RNASEH1: variants seen among roughly 807,000 people sequenced by gnomAD.
RNASEH1 encodes ribonuclease H type II.
In RNASEH1, 27 loss-of-function variants were observed where a neutral mutation model predicts 34.6. The observed-to-expected ratio is 0.78, with a 90% confidence interval of 0.58 to 1.08. RNASEH1 has a LOEUF of 1.08. RNASEH1 is among the 50% of genes least tolerant of loss of function. The probability of loss-of-function intolerance (pLI) is 0.00; values close to 1 mark genes in which losing one functional copy is unlikely to be tolerated. For missense variants in RNASEH1, 349 were observed against 373.6 expected (o/e 0.93, Z 0.54); for synonymous variants, 162 against 138.4 (o/e 1.17, Z -1.20).
chr2:3,556,672 A>T, intron 2 of RNASEH1, 117 bp downstream of exon 2: 1 of 654,402 alleles, frequency 1.5e-6, no homozygotes, highest in South Asian at 1.9e-5. Context: ...GTAAAATGAA[A>T]ACAATCACAC....
chr2:3,547,949 C>T lies in RNASEH1; in HGVS notation c.756G>A (p.Gln252=). 1 of 1,613,756 alleles carries T rather than the reference C, an allele frequency of 6.2e-7. No individual in the cohort carries two copies. Among genetic ancestry groups the T allele is most frequent in the South Asian group, 1.1e-5 (1 of 91,066 alleles). ...EDFVALERLT[Q]GMDIQWMHVP... ...TACTCACCCACTGAATGTCCATCCC[C>T]TGGGTAAGCCTCTCCAGTGCCACAA... The change falls in exon 7 of 8, where the codon CAG becomes CAA. Residue 252 remains glutamine (Q), a synonymous_variant. Coordinates refer to ENST00000315212, the MANE Select transcript of RNASEH1 (RefSeq NM_002936.6).
intron 2 of RNASEH1, among the ~76,000 whole-genome samples, chr2:3,553,278 T>C (rs1430639048): frequency 6.6e-6 from 1 of 151,016 alleles, no homozygotes; most frequent in Non-Finnish European, 1.5e-5. Context: ...AACCAGAAAC[T>C]AAAAGGAAGC....
chr2:3,548,185 C>A, intron 6 of RNASEH1, 130 bp from the exon 7 acceptor site: 1 of 1,142,356 alleles, frequency 8.8e-7, no homozygotes. Context: ...ACTTCCTTAG[C>A]TGGCCTTAGT....
chr2:3,538,253 G>A (rs1335495022), downstream of RNASEH1, among the ~76,000 whole-genome samples: 2 of 151,854 alleles, frequency 1.3e-5, no homozygotes, highest in Non-Finnish European at 2.9e-5. Flanking sequence ...TCCGGAGGCT[G>A]AGGCAAGAGA....
chr2:3,556,315 T>G (rs1433159678), intron 2 of RNASEH1, among the ~76,000 whole-genome samples: 1 of 151,368 alleles, frequency 6.6e-6, no homozygotes, highest in South Asian at 2.1e-4. Flanking sequence ...TAAGTTTTTT[T>G]TTTTTTTTTT....
At position 3,558,189 on chromosome 2, in the gene RNASEH1, C is replaced by A. The variant is rs559245804; in HGVS notation, c.72G>T (p.Gly24=). 92 of 1,602,228 alleles carry A rather than the reference C, an allele frequency of 5.7e-5. 1 individual carries two copies. Among genetic ancestry groups the A allele is most frequent in the Admixed American group, 1.5e-4 (9 of 58,790 alleles). Residue 24 remains glycine, a synonymous_variant, in exon 1 of 8, where the codon GGG becomes GGT. Coordinates refer to ENST00000315212, the MANE Select transcript of RNASEH1 (RefSeq NM_002936.6). ...AALPCRRGSR[G]FGMFYAVRRG... ...TCCTCACGGCATAGAACATCCCGAA[C>A]CCGCGAGAGCCGCGGCGGCAGGGCA...
chr2:3,532,093 G>A, the RNASEH1 span: 1 of 604,360 alleles, frequency 1.7e-6, no homozygotes, highest in Non-Finnish European at 3.0e-6. Context: ...GGGTTTTTAT[G>A]CAGCTGACGA....
At chr2:3,540,857 T>G (rs1668256621), downstream of RNASEH1, among the ~76,000 whole-genome samples, 1 of 152,094 alleles carries the variant, frequency 6.6e-6, no homozygotes, top group Non-Finnish European at 1.5e-5. Flanking sequence ...TTTTTGAATC[T>G]TCTCAAATCC....
Position 3,543,445 on chromosome 2 carries a change from C to T in RNASEH1, c.*2340G>A, listed in dbSNP as rs1354339499. Among the ~76,000 whole-genome samples, 1 of 152,100 alleles carries T rather than the reference C, an allele frequency of 6.6e-6. No homozygotes were observed. The highest frequency in any genetic ancestry group is 1.5e-5 in the Non-Finnish European group (1 of 68,044). ...CCAGGCTGCAGGGAGCTATCAATGACTGTGCGTGTGGTCTGTGCACACATG... is the reference window on the plus strand; with the variant it reads ...CCAGGCTGCAGGGAGCTATCAATGATTGTGCGTGTGGTCTGTGCACACATG... On this transcript the variant is annotated 3_prime_UTR_variant, in exon 8 of 8. Coordinates refer to ENST00000315212, the MANE Select transcript of RNASEH1 (RefSeq NM_002936.6).
At chr2:3,537,322 C>T (rs1668036584), downstream of RNASEH1, among the ~76,000 whole-genome samples, 1 of 152,146 alleles carries the variant, frequency 6.6e-6, no homozygotes, top group African/African-American at 2.4e-5. Flanking sequence ...GGTCAGAGTC[C>T]CACAGCACCG....
At chr2:3,552,332 G>C in intron 2 of RNASEH1, 24 bp from the exon 3 acceptor site, 2 of 1,607,732 alleles carry the variant, frequency 1.2e-6, no homozygotes, top group African/African-American at 1.3e-5. Context: ...GTCCACTCGT[G>C]AGCTGGAAAC....
In RNASEH1 at chr2:3,550,978, G is replaced by C. The variant is rs6730126; in HGVS notation, c.410-506C>G. Reference sequence around the variant, plus strand: ...TTTGCTTCTTTCCCTCTAGATAGAGGGTATGATTGACACACAAAGGCTGTA... The same window carrying C: ...TTTGCTTCTTTCCCTCTAGATAGAGCGTATGATTGACACACAAAGGCTGTA... On this transcript the variant is annotated intron_variant, in intron 3 of 7. Transcript: ENST00000315212. 2.2e-3 allele frequency among the ~76,000 whole-genome samples: 329 copies of C among 152,226 alleles called. 2 individuals carry two copies. The highest frequency in any genetic ancestry group is 7.3e-3 in the African/African-American group (303 of 41,500).
At chr2:3,557,937 G>T (rs1253583084) in intron 1 of RNASEH1, 196 bp downstream of exon 1, 2 of 1,528,360 alleles carry the variant, frequency 1.3e-6, no homozygotes, top group Admixed American at 2.0e-5. Flanking sequence ...TCTTCGGTGC[G>T]TTCCAGTCCC....
At chr2:3,541,133 CCTGA>C (rs1300947566), downstream of RNASEH1, among the ~76,000 whole-genome samples, 6 of 151,958 alleles carry the variant, frequency 3.9e-5, no homozygotes, top group Non-Finnish European at 8.8e-5. Context: ...TTGAGACCAT[CCTGA>C]CTAACACAGT....
At chr2:3,552,123 G>GA in intron 3 of RNASEH1, 21 bp downstream of exon 3, 1 of 1,588,302 alleles carries the variant, frequency 6.3e-7, no homozygotes, top group Non-Finnish European at 8.6e-7. Context: ...ATTAAAATCT[G>GA]AAAACCCAAG....
downstream of RNASEH1, among the ~76,000 whole-genome samples, chr2:3,541,369 T>C (rs1668293522): frequency 6.6e-6 from 1 of 151,312 alleles, no homozygotes; most frequent in Admixed American, 6.6e-5. Context: ...ACCTGCCATA[T>C]GACCAAGCAT....
At position 3,558,238 on chromosome 2, in the gene RNASEH1, G is replaced by A. The variant is rs1660745015; in HGVS notation, c.23C>T (p.Ala8Val). ...CAAGGCGGCCAAGGCGACTCTGTGG[G>A]CCAGGAACAGAAGCCAGCTCATCGC... MSWLLFL[A>V]HRVALAALPC... Residue 8 changes from alanine (A) to valine (V), a missense_variant, in exon 1 of 8, where the codon GCC becomes GTC. Ala to Val is a moderately conservative substitution (Grantham distance 64). Transcript: ENST00000315212. The A allele has an allele frequency of 2.5e-6, 4 of 1,595,806 alleles. No homozygotes were observed. In the South Asian group the frequency reaches 3.4e-5, roughly 14 times the overall value.
At chr2:3,538,939 C>T (rs10197283), downstream of RNASEH1, among the ~76,000 whole-genome samples, 90,170 of 152,044 alleles carry the variant, frequency 0.59, 27,590 homozygotes, top group African/African-American at 0.76. Context: ...GTGTTTTAAT[C>T]TGCATTCTCT....
chr2:3,552,193 C>T lies in RNASEH1; in HGVS notation c.360G>A (p.Pro120=), dbSNP rs762279184. ...TAACTGGAGGCGCCGGCTCCACGCT[C>T]GGCTTCATGTGCTTTGCATACGGCT... The part of the protein sequence containing the change: ...SAEPYAKHMK[P]SVEPAPPVSR... Residue 120 remains proline (P), a synonymous_variant, in exon 3 of 8, where the codon CCG becomes CCA. Coordinates refer to ENST00000315212, the MANE Select transcript of RNASEH1 (RefSeq NM_002936.6). 8.7e-6 allele frequency: 14 copies of T among 1,612,460 alleles called. No homozygotes were observed. The highest frequency in any genetic ancestry group is 3.3e-5 in the Admixed American group (2 of 59,958).
Sources: allele counts gnomAD v4.1 joint callset (sites outside exome capture counted in the v4.1 genomes callset), GRCh38; gene constraint gnomAD v4.1.1; transcripts MANE v1.5; gene names NCBI Gene and HGNC (gene_info 2026-07-23, HGNC 2026-07-21).